The following ZNF564 variants were observed in gnomAD, a reference collection of about 807,000 sequenced individuals.
ZNF564 encodes the protein zinc finger protein 564.
A neutral mutation model predicts 10.5 loss-of-function variants in ZNF564; 5 were observed. That is an observed-to-expected ratio of 0.48 (90% CI 0.25 to 1.00). The LOEUF (loss-of-function observed/expected upper bound fraction) is 1.00, where lower values mean the gene tolerates loss of function less well. Among genes scored for constraint, ZNF564 ranks in the 50% least tolerant of loss-of-function variants. ZNF564 has a pLI of 0.16. For missense variants in ZNF564, 603 were observed against 669.7 expected (o/e 0.90, Z 1.10); for synonymous variants, 242 against 218.1 (o/e 1.11, Z -0.97).
At chr19:12,551,160 G>C (rs920142388) in intron 1 of ZNF564, among the ~76,000 whole-genome samples, 170 bp downstream of exon 1, 2 of 152,240 alleles carry the variant, frequency 1.3e-5, no homozygotes, top group Non-Finnish European at 2.9e-5. Context: ...TACTGGCTAC[G>C]GCCCAACCCA....
intron 1 of ZNF564, among the ~76,000 whole-genome samples, chr19:12,545,811 G>T (rs929168248): frequency 1.3e-5 from 2 of 152,150 alleles, no homozygotes; most frequent in East Asian, 3.8e-4. Context: ...CAACCTGGAA[G>T]TACTCTCTGA....
At chr19:12,528,163 A>G in intron 3 of ZNF564, 141 bp downstream of exon 3, 2 of 894,478 alleles carry the variant, frequency 2.2e-6, no homozygotes, top group Non-Finnish European at 3.4e-6. Context: ...CTGAACATCT[A>G]TGCCACTTTT....
intron 1 of ZNF564, among the ~76,000 whole-genome samples, chr19:12,532,547 A>G (rs2021830910): frequency 6.7e-6 from 1 of 149,638 alleles, no homozygotes; most frequent in East Asian, 1.9e-4. Flanking sequence ...AAAAAAAAAA[A>G]AAAAAAAAAA....
In ZNF564 at chr19:12,537,022, G is replaced by A. The variant is rs564494647; in HGVS notation, c.4-8326C>T. On this transcript the variant is annotated intron_variant, in intron 1 of 3. Coordinates refer to ENST00000339282, the MANE Select transcript of ZNF564 (RefSeq NM_144976.4). ...AGCCCTTGATAAGCAGCAATCTTTCGGTCTCTATAGATTTTCCTATTATGG... is the reference window on the plus strand; with the variant it reads ...AGCCCTTGATAAGCAGCAATCTTTCAGTCTCTATAGATTTTCCTATTATGG... 3.9e-5 allele frequency among the ~76,000 whole-genome samples: 6 copies of A among 152,040 alleles called. No homozygotes were observed. In the South Asian group the frequency reaches 1.0e-3, roughly 26 times the overall value.
chr19:12,551,351 T>C lies in ZNF564; in HGVS notation c.-19A>G. 1 of 1,603,158 alleles carries C rather than the reference T, an allele frequency of 6.2e-7. No homozygotes were observed. The highest frequency in any genetic ancestry group is 8.5e-7 in the Non-Finnish European group (1 of 1,175,166). On this transcript the variant is annotated 5_prime_UTR_variant, in exon 1 of 4. Transcript: ENST00000339282. ...GCACCATTTCCTGGCTTCCAGGGTGTCCCGGGGTCCTGCCTACGGCTCTCT... is the reference window on the plus strand; with the variant it reads ...GCACCATTTCCTGGCTTCCAGGGTGCCCCGGGGTCCTGCCTACGGCTCTCT...
chr19:12,541,698 G>A (rs1286309430), intron 1 of ZNF564, among the ~76,000 whole-genome samples: 1 of 151,870 alleles, frequency 6.6e-6, no homozygotes, highest in Non-Finnish European at 1.5e-5. Flanking sequence ...AACCAGATTT[G>A]CTTGGTATGT....
chr19:12,528,891 C>T (rs1008923787), intron 1 of ZNF564, among the ~76,000 whole-genome samples, 195 bp from the exon 2 acceptor site: 1 of 152,112 alleles, frequency 6.6e-6, no homozygotes, highest in African/African-American at 2.4e-5. Flanking sequence ...TGGTGAAACC[C>T]CATCTCTACT....
intron 1 of ZNF564, among the ~76,000 whole-genome samples, chr19:12,531,139 G>A (rs1343065945): frequency 6.6e-6 from 1 of 152,114 alleles, no homozygotes; most frequent in African/African-American, 2.4e-5. Flanking sequence ...AAAAACTGTT[G>A]AAGAGTCAAC....
Position 12,527,764 on chromosome 19 carries a change from T to C in ZNF564, c.344A>G (p.His115Arg). The C allele has an allele frequency of 6.2e-7, 1 of 1,614,048 alleles. No individual in the cohort carries two copies. The highest frequency in any genetic ancestry group is 8.5e-7 in the Non-Finnish European group (1 of 1,180,030). Residue 115 changes from histidine (H) to arginine (R), a missense_variant, in exon 4 of 4, where the codon CAT becomes CGT. Physicochemically the swap from His to Arg is conservative, Grantham distance 29. Transcript: ENST00000339282. ...TCTGATGTGCCTACTAAGGGATGAA[T>C]GATGCATGAAGACTTTCCCACACAA... is the stretch of plus-strand genomic sequence containing the variant. ...CSLCGKVFMH[H>R]SSLSRHIRSH...
At position 12,536,157 on chromosome 19, in the gene ZNF564, A is replaced by G. The variant is rs115641000; in HGVS notation, c.4-7461T>C. On this transcript the variant is annotated intron_variant, in intron 1 of 3. Transcript: ENST00000339282. Reference sequence around the variant, plus strand: ...TTAAAATGAAGAGACTCATGACTGAAAAGTAACTAATCACTGAACCATGTT... The same window carrying G: ...TTAAAATGAAGAGACTCATGACTGAGAAGTAACTAATCACTGAACCATGTT... 7.4e-3 allele frequency among the ~76,000 whole-genome samples: 1,132 copies of G among 152,254 alleles called. 12 individuals carry two copies. The highest frequency in any genetic ancestry group is 0.026 in the African/African-American group (1,078 of 41,548).
rs780591634 is a variant in ZNF564, at chr19:12,527,875, T to C, written c.233A>G (p.Asp78Gly). 6.2e-6 allele frequency: 10 copies of C among 1,611,648 alleles called. No individual in the cohort carries two copies. The highest frequency in any genetic ancestry group is 4.0e-5 in the African/African-American group (3 of 74,992). The change falls in exon 4 of 4, where the codon GAT becomes GGT. Residue 78 changes from aspartate to glycine, a missense_variant. Transcript: ENST00000339282. ...EEGLSESKEY[D>G]QCGEAFSQIL... ...CTGACTGAAGGCTTCTCCACATTGATCATATTCTTTACTTTCACTGAGTCC... is the reference window on the plus strand; with the variant it reads ...CTGACTGAAGGCTTCTCCACATTGACCATATTCTTTACTTTCACTGAGTCC...
intron 2 of ZNF564, 33 bp from the exon 3 acceptor site, chr19:12,528,397 T>A: frequency 6.3e-7 from 1 of 1,586,180 alleles, no homozygotes; most frequent in Non-Finnish European, 8.6e-7. Context: ...CCTTATGAAC[T>A]GATAGACATT....
At position 12,527,678 on chromosome 19, in the gene ZNF564, T is replaced by A; in HGVS notation, c.430A>T (p.Lys144Ter). ...GAACTGAAGGCTTTCCCACACTGCT[T>A]ACATTTATATGGTTTCTCTCCATAT... ...QEYGEKPYKC[K>*]QCGKAFSSCQ... Residue 144 changes from lysine (K) to a stop codon, truncating the protein, a stop_gained, in exon 4 of 4, where the codon AAG (lysine) becomes TAG (stop). Transcript: ENST00000339282. LOFTEE classifies it low-confidence loss of function (END_TRUNC). 6.2e-7 allele frequency: 1 copy of A among 1,614,174 alleles called. No homozygotes were observed. The highest frequency in any genetic ancestry group is 8.5e-7 in the Non-Finnish European group (1 of 1,180,024).
Position 12,526,999 on chromosome 19 carries a change from C to T in ZNF564, c.1109G>A (p.Cys370Tyr). 6.2e-7 allele frequency: 1 copy of T among 1,613,990 alleles called. No homozygotes were observed. The highest frequency in any genetic ancestry group is 8.5e-7 in the Non-Finnish European group (1 of 1,180,010). The change falls in exon 4 of 4, where the codon TGC becomes TAC. Residue 370 changes from cysteine to tyrosine, a missense_variant. By Grantham distance (194) the Cys-to-Tyr change is radical. Transcript: ENST00000339282. Reference protein sequence around the residue: ...TGEKPYECKECGKAFISLPSV... With the variant: ...TGEKPYECKEYGKAFISLPSV... Reference sequence around the variant, plus strand: ...TGGGAGAGAAATGAAGGCTTTCCCGCATTCCTTACATTCATAGGGCTTCTC... The same window carrying T: ...TGGGAGAGAAATGAAGGCTTTCCCGTATTCCTTACATTCATAGGGCTTCTC...
intron 1 of ZNF564, among the ~76,000 whole-genome samples, chr19:12,540,178 G>C (rs943125305): frequency 2.0e-5 from 3 of 152,212 alleles, no homozygotes; most frequent in Non-Finnish European, 4.4e-5. Context: ...CATCTGGAAA[G>C]AGAATGGATG....
intron 1 of ZNF564, among the ~76,000 whole-genome samples, chr19:12,549,891 T>C (rs1022911341): frequency 1.3e-5 from 2 of 152,036 alleles, no homozygotes; most frequent in Admixed American, 6.6e-5. Context: ...CAGGAAAAGA[T>C]AGAGGGCCAC....
intron 1 of ZNF564, among the ~76,000 whole-genome samples, chr19:12,534,671 G>GCCA: frequency 6.6e-6 from 1 of 152,156 alleles, no homozygotes; most frequent in East Asian, 1.9e-4. Context: ...AAAATTAGCT[G>GCCA]GGCATGGTGG....
At chr19:12,543,673 C>CAAAAAAA (rs57611686) in intron 1 of ZNF564, among the ~76,000 whole-genome samples, 4 of 62,238 alleles carry the variant, frequency 6.4e-5, no homozygotes, top group Non-Finnish European at 1.2e-4. Context: ...GACTTCGTCT[C>CAAAAAAA]AAAAAAAAAA....
At chr19:12,537,507 G>A (rs945520525) in intron 1 of ZNF564, among the ~76,000 whole-genome samples, 1 of 152,124 alleles carries the variant, frequency 6.6e-6, no homozygotes, top group Non-Finnish European at 1.5e-5. Context: ...GGGAGGTCGA[G>A]GGGGGCGGAT....
Sources: allele counts gnomAD v4.1 joint callset (sites outside exome capture counted in the v4.1 genomes callset), GRCh38; gene constraint gnomAD v4.1.1; transcripts MANE v1.5; gene names NCBI Gene and HGNC (gene_info 2026-07-23, HGNC 2026-07-21).